Variants in SLCO1B1 observed in about 807,000 individuals in gnomAD.
The protein encoded by SLCO1B1 is OATP-2.
SLCO1B1 carries 81 observed loss-of-function variants against 70.1 expected under a neutral mutation model. The ratio of observed to expected loss-of-function variants is 1.16; its 90% CI spans 0.97 to 1.39. The LOEUF (loss-of-function observed/expected upper bound fraction) is 1.39, where lower values mean the gene tolerates loss of function less well. SLCO1B1 is among the 40% of genes most tolerant of loss of function. The probability of loss-of-function intolerance (pLI) is 0.00; values close to 1 mark genes in which losing one functional copy is unlikely to be tolerated. For missense variants in SLCO1B1, 895 were observed against 799.6 expected, an observed-to-expected ratio of 1.12 and a Z score of -1.44; for synonymous variants, 283 against 271.5, an observed-to-expected ratio of 1.04 and a Z score of -0.42.
chr12:21,141,782 A>T, intron 2 of SLCO1B1, 124 bp downstream of exon 2: 1 of 594,102 alleles, frequency 1.7e-6, no homozygotes, highest in Non-Finnish European at 3.0e-6. Flanking sequence ...GCATATATTG[A>T]AATATTAACA....
chr12:21,182,441 C>A (rs544543781), intron 7 of SLCO1B1, among the ~76,000 whole-genome samples: 2 of 152,246 alleles, frequency 1.3e-5, no homozygotes, highest in African/African-American at 4.8e-5. Flanking sequence ...TTTCTTCCAC[C>A]AAGTAGCTCT....
chr12:21,201,879 T>C (rs1941162117), intron 9 of SLCO1B1, among the ~76,000 whole-genome samples: 2 of 152,020 alleles, frequency 1.3e-5, no homozygotes, highest in Admixed American at 1.3e-4. Flanking sequence ...AGTAATAAGA[T>C]TGGCATTCTA....
At chr12:21,159,420 GA>G (rs1401911826) in intron 2 of SLCO1B1, among the ~76,000 whole-genome samples, 2 of 151,734 alleles carry the variant, frequency 1.3e-5, no homozygotes, top group Admixed American at 1.3e-4. Context: ...TTCTATACCT[GA>G]ATAAAAAGTA....
chr12:21,148,325 G>T (rs1940416115), intron 2 of SLCO1B1, among the ~76,000 whole-genome samples: 1 of 152,028 alleles, frequency 6.6e-6, no homozygotes, highest in East Asian at 1.9e-4. Context: ...TTTGTTCTAG[G>T]GTTTTTATGG....
rs374672098 is a variant in SLCO1B1, at chr12:21,224,715, A to G, written c.1748-7A>G. 3.3e-6 allele frequency: 5 copies of G among 1,504,080 alleles called. No individual in the cohort carries two copies. The highest frequency in any genetic ancestry group is 2.3e-5 in the East Asian group (1 of 44,250). The allele number at this position is 1,504,080 out of a possible 1,614,324, so 93.2% of individuals were successfully genotyped here. A position where few individuals can be genotyped will look rare whatever the true frequency, so the allele number is the denominator to read the frequency against. On this transcript the variant is annotated splice_polypyrimidine_tract_variant and splice_region_variant and intron_variant, in intron 13 of 14. Transcript: ENST00000256958. ...CTAAACTGACATCTTCTCTTCTCCTATTACAGGAGGAATTCTAGCTCCAAT... is the reference window on the plus strand; with the variant it reads ...CTAAACTGACATCTTCTCTTCTCCTGTTACAGGAGGAATTCTAGCTCCAAT...
At chr12:21,174,973 T>G (rs529391355) in intron 4 of SLCO1B1, among the ~76,000 whole-genome samples, 8 of 152,298 alleles carry the variant, frequency 5.3e-5, no homozygotes, top group African/African-American at 1.9e-4. Context: ...TAGTATAACG[T>G]ATATACTGTA....
chr12:21,200,737 G>A, intron 9 of SLCO1B1, 65 bp downstream of exon 9: 2 of 1,366,436 alleles, frequency 1.5e-6, no homozygotes, highest in Non-Finnish European at 2.0e-6. Context: ...TATTCCAAGT[G>A]GTATTTTATT....
intron 2 of SLCO1B1, among the ~76,000 whole-genome samples, chr12:21,148,670 C>T (rs996880004): frequency 7.8e-6 from 1 of 128,096 alleles, no homozygotes; most frequent in Non-Finnish European, 1.7e-5. Flanking sequence ...GTTCTTTTTG[C>T]TTAGGATTGT....
intron 1 of SLCO1B1, among the ~76,000 whole-genome samples, chr12:21,141,159 T>C (rs932780821): frequency 2.0e-5 from 3 of 151,968 alleles, no homozygotes; most frequent in African/African-American, 7.2e-5. Context: ...AAAGAAAACA[T>C]ATATTTGCTT....
intron 11 of SLCO1B1, among the ~76,000 whole-genome samples, chr12:21,213,263 G>T (rs1941311924): frequency 6.6e-6 from 1 of 152,030 alleles, no homozygotes; most frequent in Admixed American, 6.6e-5. Flanking sequence ...AGGCCTGGTG[G>T]TGACAGAATC....
intron 7 of SLCO1B1, among the ~76,000 whole-genome samples, chr12:21,195,330 G>T (rs1166197857): frequency 6.6e-6 from 1 of 152,136 alleles, no homozygotes; most frequent in Non-Finnish European, 1.5e-5. Context: ...CCGTCACTTG[G>T]TCAACTCCCA....
chr12:21,226,998 C>G (rs1453954970), intron 14 of SLCO1B1, among the ~76,000 whole-genome samples: 1 of 152,050 alleles, frequency 6.6e-6, no homozygotes, highest in African/African-American at 2.4e-5. Context: ...AAAACTCACC[C>G]AAATTGTCAA....
At chr12:21,158,447 G>A (rs1162062792) in intron 2 of SLCO1B1, among the ~76,000 whole-genome samples, 2 of 152,156 alleles carry the variant, frequency 1.3e-5, no homozygotes, top group African/African-American at 4.8e-5. Context: ...TGTAATCCCA[G>A]CACTTTGGGA....
At chr12:21,217,966 G>A (rs76715736) in intron 12 of SLCO1B1, among the ~76,000 whole-genome samples, 7,976 of 152,166 alleles carry the variant, frequency 0.052, 235 homozygotes, top group African/African-American at 0.065. Context: ...TTTATAAATT[G>A]TTCTGAGTCC....
intron 14 of SLCO1B1, among the ~76,000 whole-genome samples, chr12:21,233,973 G>A (rs186391686): frequency 6.6e-6 from 1 of 152,304 alleles, no homozygotes; most frequent in Non-Finnish European, 1.5e-5. Context: ...CCTAGACAGA[G>A]CTTATTTATC....
At chr12:21,173,720 A>C (rs939578741) in intron 3 of SLCO1B1, among the ~76,000 whole-genome samples, 1 of 140,604 alleles carries the variant, frequency 7.1e-6, no homozygotes, top group Non-Finnish European at 1.5e-5. Context: ...CTTAACTGCT[A>C]TTTGTTTATT....
chr12:21,182,620 T>G (rs546551506), intron 7 of SLCO1B1, among the ~76,000 whole-genome samples: 3 of 151,902 alleles, frequency 2.0e-5, no homozygotes, highest in Admixed American at 6.6e-5. Flanking sequence ...GCCTGAGGGT[T>G]TTTTCAAGGA....
At position 21,189,663 on chromosome 12, in the gene SLCO1B1, T is replaced by A. The variant is rs548125117; in HGVS notation, c.728-7283T>A. 6.8e-4 allele frequency among the ~76,000 whole-genome samples: 104 copies of A among 152,228 alleles called. 1 individual carries two copies. The highest frequency in any genetic ancestry group is 2.4e-3 in the African/African-American group (100 of 41,524). On this transcript the variant is annotated intron_variant, in intron 7 of 14. Coordinates refer to ENST00000256958, the MANE Select transcript of SLCO1B1 (RefSeq NM_006446.5). ...GATTTCACCATGTTGGCCTGGCTGGTCTCAAACTCCTGACCTCAGGTGATC... is the reference window on the plus strand; with the variant it reads ...GATTTCACCATGTTGGCCTGGCTGGACTCAAACTCCTGACCTCAGGTGATC...
chr12:21,135,465 T>G (rs1039700073), intron 1 of SLCO1B1, among the ~76,000 whole-genome samples: 15 of 152,130 alleles, frequency 9.9e-5, no homozygotes, highest in Admixed American at 9.8e-4. Context: ...TTGAGTGGAA[T>G]TCTAAGTCTC....
Sources: gnomAD v4.1 joint callset for allele counts (sites outside exome capture counted in the v4.1 genomes callset) on GRCh38, gnomAD v4.1.1 for gene constraint, MANE v1.5 for transcripts, NCBI Gene and HGNC (gene_info 2026-07-23, HGNC 2026-07-21) for gene names.